NAF1: variants seen among roughly 807,000 people sequenced by gnomAD.
NAF1 encodes nuclear assembly factor 1 ribonucleoprotein.
Under a neutral mutation model 40.6 loss-of-function variants are expected in NAF1, and 11 were observed. That is an observed-to-expected ratio of 0.27 (90% CI 0.17 to 0.45). The LOEUF is 0.45. NAF1 is among the 20% of genes least tolerant of loss of function. The probability of loss-of-function intolerance (pLI) is 1.00; values close to 1 mark genes in which losing one functional copy is unlikely to be tolerated. For synonymous variants in NAF1, 260 were observed against 228.5 expected (o/e 1.14, Z -1.24); for missense variants, 607 against 611.1 (o/e 0.99, Z 0.07).
chr4:163,155,415 A>C (rs1731946726), intron 2 of NAF1, among the ~76,000 whole-genome samples: 1 of 152,152 alleles, frequency 6.6e-6, no homozygotes, highest in Non-Finnish European at 1.5e-5. Context: ...AGATGAACTA[A>C]CCTACCTCTT....
Position 163,140,275 on chromosome 4 carries a change from C to A in NAF1, c.826G>T (p.Ala276Ser). The change falls in exon 5 of 8, where the codon GCT (alanine) becomes TCT (serine). Residue 276 changes from alanine to serine, a missense_variant. Physicochemically the swap from Ala to Ser is moderately conservative, Grantham distance 99 (BLOSUM62 1). Transcript: ENST00000274054. ...TGAGTGAAATCTTTCATTGATGGAG[C>A]AAAATACATAGTCTCCTTTATTTTA... ...GIKIKETMYF[A>S]PSMKDFTQYI... The A allele has an allele frequency of 1.2e-6, 2 of 1,606,172 alleles. No individual in the cohort carries two copies. Among genetic ancestry groups the A allele is most frequent in the Non-Finnish European group, 1.7e-6 (2 of 1,176,364 alleles).
intron 2 of NAF1, among the ~76,000 whole-genome samples, chr4:163,153,828 A>G (rs1304028071): frequency 6.6e-6 from 1 of 152,092 alleles, no homozygotes; most frequent in Non-Finnish European, 1.5e-5. Context: ...CCCCTTCCAC[A>G]CCGTGGAAGC....
chr4:163,157,893 G>A (rs1008800403), intron 2 of NAF1, among the ~76,000 whole-genome samples: 3 of 152,032 alleles, frequency 2.0e-5, no homozygotes, highest in Non-Finnish European at 4.4e-5. Flanking sequence ...TATGTCAAAA[G>A]TGGCCCTCTG....
At chr4:163,130,813 G>A (rs1266987741) in intron 7 of NAF1, among the ~76,000 whole-genome samples, 1 of 152,210 alleles carries the variant, frequency 6.6e-6, no homozygotes, top group African/African-American at 2.4e-5. Flanking sequence ...AGACCTCAAT[G>A]TAAAATGCAG....
At chr4:163,112,959 A>G (rs923111053) in intron 2 of NAF1, among the ~76,000 whole-genome samples, 2 of 152,208 alleles carry the variant, frequency 1.3e-5, no homozygotes, top group African/African-American at 2.4e-5. Flanking sequence ...AAGTGATACC[A>G]GACAGCATGA....
At chr4:163,106,456 T>G (rs1176310195), downstream of NAF1, among the ~76,000 whole-genome samples, 3 of 152,156 alleles carry the variant, frequency 2.0e-5, no homozygotes, top group African/African-American at 7.2e-5. Context: ...TATTAGAAAG[T>G]GCCTATATAG....
intron 6 of NAF1, chr4:163,135,186 T>C (rs1295838010): frequency 1.3e-5 from 2 of 152,222 alleles, no homozygotes; most frequent in Non-Finnish European, 2.9e-5. Context: ...ATGCAAGCTT[T>C]CTATTTTCAC....
downstream of NAF1, among the ~76,000 whole-genome samples, chr4:163,127,485 T>G (rs1730700379): frequency 6.6e-6 from 1 of 152,198 alleles, no homozygotes; most frequent in Non-Finnish European, 1.5e-5. Flanking sequence ...TGACTAATAA[T>G]AACATGTTAC....
intron 4 of NAF1, among the ~76,000 whole-genome samples, chr4:163,144,861 G>T (rs1456380071): frequency 6.6e-6 from 1 of 152,066 alleles, no homozygotes; most frequent in Non-Finnish European, 1.5e-5. Context: ...CTGTTTAGAG[G>T]TTTTAATTTA....
chr4:163,149,560 C>G lies in NAF1; in HGVS notation c.541-1126G>C, dbSNP rs960209168. On this transcript the variant is annotated intron_variant, in intron 2 of 7. Transcript: ENST00000274054. ...CACTACGGGTCTCAACCAACTGATG[C>G]AGAAGGAAGTCAGCAACATGCCTTT... Among the ~76,000 whole-genome samples, 4 of 152,122 alleles carry G rather than the reference C, an allele frequency of 2.6e-5. No homozygotes were observed. In the South Asian group the frequency reaches 8.3e-4, roughly 31 times the overall value.
intron 6 of NAF1, 44 bp from the exon 7 acceptor site, chr4:163,133,300 G>T: frequency 1.3e-6 from 2 of 1,498,794 alleles, no homozygotes; most frequent in South Asian, 1.2e-5. Flanking sequence ...ACATGAATTT[G>T]CCAATTCAAT....
At chr4:163,104,949 C>G in the NAF1 span, among the ~76,000 whole-genome samples, 1 of 152,168 alleles carries the variant, frequency 6.6e-6, no homozygotes, top group African/African-American at 2.4e-5. Flanking sequence ...TTTCAGAAAA[C>G]CAAACCAAAA....
At chr4:163,139,186 C>T (rs973450334) in intron 5 of NAF1, among the ~76,000 whole-genome samples, 1 of 152,014 alleles carries the variant, frequency 6.6e-6, no homozygotes, top group Admixed American at 6.6e-5. Context: ...GGGTTGGTAC[C>T]TTTGACATAA....
chr4:163,165,755 A>G (rs1732428919), intron 1 of NAF1, among the ~76,000 whole-genome samples: 1 of 152,218 alleles, frequency 6.6e-6, no homozygotes. Context: ...CAGAGATTTC[A>G]TATTTAAAAG....
rs755546695 is a variant in NAF1 at position 163,129,078 on chromosome 4, G to C, written c.1304C>G (p.Pro435Arg). The change falls in exon 8 of 8, where the codon CCC (proline) becomes CGC (arginine). Residue 435 changes from proline to arginine, a missense_variant. Pro to Arg is a moderately radical substitution (Grantham distance 103). This residue lies in a region of NAF1 where 189 missense variants were observed against 216.6 expected (regional missense o/e 0.87). Coordinates refer to ENST00000274054, the MANE Select transcript of NAF1 (RefSeq NM_138386.3). ...TGGTGGTGGGGGTGGAGGGCGGAGG[G>C]GAAAATTATGCATGTCAAACACTGG... Reference protein sequence around the residue: ...PLPVFDMHNFPLRPPPPPPPP... With the variant: ...PLPVFDMHNFRLRPPPPPPPP... 7.0e-6 allele frequency: 11 copies of C among 1,578,800 alleles called. No homozygotes were observed. In the South Asian group the frequency reaches 1.3e-4, roughly 18 times the overall value.
At chr4:163,137,813 T>C (rs780859997) in intron 5 of NAF1, among the ~76,000 whole-genome samples, 1 of 151,976 alleles carries the variant, frequency 6.6e-6, no homozygotes, top group Non-Finnish European at 1.5e-5. Flanking sequence ...CTATGAATAG[T>C]TGGAGGAAGA....
At chr4:163,131,328 G>A (rs1480603007) in intron 7 of NAF1, among the ~76,000 whole-genome samples, 2 of 152,166 alleles carry the variant, frequency 1.3e-5, no homozygotes, top group Non-Finnish European at 2.9e-5. Context: ...AGAAGTTCAA[G>A]GTTACAGTGA....
downstream of NAF1, among the ~76,000 whole-genome samples, chr4:163,123,703 A>C (rs1560780214): frequency 6.6e-6 from 1 of 152,152 alleles, no homozygotes; most frequent in Non-Finnish European, 1.5e-5. Flanking sequence ...CACCTTAATA[A>C]AACAAATATA....
intron 4 of NAF1, chr4:163,141,975 A>G: frequency 5.3e-6 from 5 of 948,680 alleles, no homozygotes; most frequent in Non-Finnish European, 6.3e-6. Context: ...CTCTAAAAAG[A>G]AGTAGTGACA....
Sources: gnomAD v4.1 joint callset for allele counts (sites outside exome capture counted in the v4.1 genomes callset) on GRCh38, gnomAD v4.1.1 for gene constraint, gnomAD v4.1.1 regional missense constraint, MANE v1.5 for transcripts, NCBI Gene and HGNC (gene_info 2026-07-23, HGNC 2026-07-21) for gene names.